OXSR1: variants seen among roughly 807,000 people sequenced by gnomAD.
OXSR1 encodes the protein serine/threonine-protein kinase OSR1.
In OXSR1, 24 loss-of-function variants were observed where a neutral mutation model predicts 79.8. The ratio of observed to expected loss-of-function variants is 0.30; its 90% CI spans 0.22 to 0.42. The LOEUF (loss-of-function observed/expected upper bound fraction) is 0.42. Among genes scored for constraint, OXSR1 ranks in the 10% least tolerant of loss-of-function variants. The pLI, the probability that OXSR1 is intolerant of heterozygous loss-of-function variation, is 1.00. For synonymous variants in OXSR1, 226 were observed against 209.2 expected (o/e 1.08, Z -0.69); for missense variants, 430 against 618.4 (o/e 0.70, Z 3.23).
Position 38,230,435 on chromosome 3 carries a change from A to G in OXSR1, c.951+5A>G. ...ATTTCTGAAAGAGCAAAAAAGGTAA[A>G]TCAGAATTTAACTCAGTTTTCCTGA... On this transcript the variant is annotated splice_donor_5th_base_variant and intron_variant, in intron 10 of 17. Transcript: ENST00000311806. 4 of 1,582,076 alleles carry G rather than the reference A, an allele frequency of 2.5e-6. No individual in the cohort carries two copies. The highest frequency in any genetic ancestry group is 3.5e-6 in the Non-Finnish European group (4 of 1,152,436).
intron 8 of OXSR1, among the ~76,000 whole-genome samples, chr3:38,227,930 A>G (rs906872595): frequency 6.6e-6 from 1 of 152,244 alleles, no homozygotes; most frequent in South Asian, 2.1e-4. Context: ...AAATGCAGTC[A>G]TGTGTCACTT....
Position 38,227,612 on chromosome 3 carries a change from C to T in OXSR1, c.837-2075C>T, listed in dbSNP as rs73827647. Among the ~76,000 whole-genome samples the T allele has an allele frequency of 1.4e-3, 216 of 151,112 alleles. 1 individual carries two copies. Among genetic ancestry groups the T allele is most frequent in the African/African-American group, 5.1e-3 (210 of 40,980 alleles). On this transcript the variant is annotated intron_variant, in intron 8 of 17. Transcript: ENST00000311806. ...AAATGTACGTATACATATACATGAA[C>T]TTACCAGGAAAGACTAGAGAGAGTA...
chr3:38,173,235 T>C (rs1701616738), intron 1 of OXSR1, among the ~76,000 whole-genome samples: 3 of 152,230 alleles, frequency 2.0e-5, no homozygotes, highest in Non-Finnish European at 4.4e-5. Flanking sequence ...GGAAATTGTA[T>C]GTTTGCTAAG....
At chr3:38,188,162 C>T (rs896686566) in intron 2 of OXSR1, among the ~76,000 whole-genome samples, 27 of 152,194 alleles carry the variant, frequency 1.8e-4, no homozygotes, top group African/African-American at 6.5e-4. Flanking sequence ...CTCCCCTTTT[C>T]AGATTAAAGC....
intron 5 of OXSR1, 149 bp downstream of exon 5, chr3:38,216,300 ACT>A: frequency 1.7e-6 from 1 of 579,052 alleles, no homozygotes; most frequent in South Asian, 2.6e-5. Flanking sequence ...GATGCCACCG[ACT>A]CTCAAGATAT....
intron 11 of OXSR1, among the ~76,000 whole-genome samples, chr3:38,241,114 T>A (rs1703024537): frequency 6.6e-6 from 1 of 152,162 alleles, no homozygotes; most frequent in South Asian, 2.1e-4. Flanking sequence ...AAGGTTTTTT[T>A]ATACTGGAGA....
chr3:38,249,315 T>C (rs1703207803), intron 14 of OXSR1, among the ~76,000 whole-genome samples: 1 of 152,166 alleles, frequency 6.6e-6, no homozygotes, highest in Non-Finnish European at 1.5e-5. Flanking sequence ...ACTGTAACTG[T>C]ACCTCACCAG....
Position 38,198,794 on chromosome 3 carries a change from C to G in OXSR1, c.365C>G (p.Thr122Ser), listed in dbSNP as rs1702111290. Residue 122 changes from threonine to serine, a missense_variant, in exon 4 of 18, where the codon ACC (threonine) becomes AGC (serine). Coordinates refer to ENST00000311806, the MANE Select transcript of OXSR1 (RefSeq NM_005109.3). ...AAAAGTGGAGTCCTAGATGAATCTA[C>G]CATTGCTACGATACTCCGAGAAGTA... ...EHKSGVLDES[T>S]IATILREVLE... The G allele has an allele frequency of 6.2e-7, 1 of 1,612,360 alleles. No homozygotes were observed.
intron 1 of OXSR1, among the ~76,000 whole-genome samples, chr3:38,168,271 T>C (rs939078137): frequency 2.6e-5 from 4 of 152,256 alleles, no homozygotes; most frequent in Non-Finnish European, 5.9e-5. Flanking sequence ...ATTCCCTGTG[T>C]CGTACAACTA....
intron 7 of OXSR1, 46 bp from the exon 8 acceptor site, chr3:38,224,525 T>A: frequency 6.7e-7 from 1 of 1,502,892 alleles, no homozygotes. Context: ...ATAGTTAAAC[T>A]TTACTGAGTC....
intron 1 of OXSR1, among the ~76,000 whole-genome samples, 155 bp from the exon 2 acceptor site, chr3:38,182,843 CTTTTG>C (rs1445759171): frequency 1.3e-5 from 2 of 152,028 alleles, no homozygotes; most frequent in African/African-American, 2.4e-5. Flanking sequence ...ATGGTTGAGG[CTTTTG>C]TTTTAACTGA....
chr3:38,207,911 C>T (rs1274864193), intron 4 of OXSR1, among the ~76,000 whole-genome samples: 6 of 104,868 alleles, frequency 5.7e-5, no homozygotes, highest in Admixed American at 1.1e-4. Flanking sequence ...CCCCCCTCCC[C>T]CTCCCCTCCC....
intron 16 of OXSR1, among the ~76,000 whole-genome samples, chr3:38,251,801 CA>C (rs2125856949): frequency 6.6e-6 from 1 of 152,232 alleles, no homozygotes; most frequent in Non-Finnish European, 1.5e-5. Flanking sequence ...CCAAGTTGAG[CA>C]AAAGTCATTA....
chr3:38,196,391 A>G (rs1702072848), intron 3 of OXSR1, among the ~76,000 whole-genome samples: 2 of 152,200 alleles, frequency 1.3e-5, no homozygotes, highest in Non-Finnish European at 2.9e-5. Context: ...CCAAATGGAT[A>G]AGAAGCGGGG....
chr3:38,184,485 T>C (rs923880997), intron 2 of OXSR1, among the ~76,000 whole-genome samples: 4 of 152,194 alleles, frequency 2.6e-5, no homozygotes, highest in African/African-American at 9.7e-5. Flanking sequence ...TGCGAACTAA[T>C]TCTGTTAAAG....
intron 10 of OXSR1, among the ~76,000 whole-genome samples, chr3:38,231,861 C>A (rs1213871540): frequency 6.6e-6 from 1 of 152,140 alleles, no homozygotes; most frequent in Non-Finnish European, 1.5e-5. Flanking sequence ...AATCCCAGCA[C>A]TTTGGGAAGC....
intron 2 of OXSR1, among the ~76,000 whole-genome samples, chr3:38,183,804 A>AT (rs1411660777): frequency 2.0e-5 from 3 of 152,018 alleles, no homozygotes; most frequent in African/African-American, 4.8e-5. Context: ...ATTGTATTGT[A>AT]TTTTTTTTAG....
intron 9 of OXSR1, 89 bp from the exon 10 acceptor site, chr3:38,230,276 T>A (rs917035641): frequency 4.5e-5 from 36 of 795,888 alleles, no homozygotes; most frequent in Non-Finnish European, 7.4e-5. Flanking sequence ...AGTTACTATA[T>A]CACATTTTGA....
chr3:38,251,411 G>C lies in OXSR1; in HGVS notation c.1384G>C (p.Glu462Gln). The C allele has an allele frequency of 6.2e-7, 1 of 1,613,352 alleles. No individual in the cohort carries two copies. The change falls in exon 16 of 18, where the codon GAG becomes CAG. Residue 462 changes from glutamate (E) to glutamine (Q), a missense_variant. Glu to Gln is a conservative substitution (Grantham distance 29). Transcript: ENST00000311806. ...FEFTPGRDTA[E>Q]GVSQELISAG... ...CTTCTTTGTCCTTGCAGATACAGCA[G>C]AGGGTGTCTCTCAGGAACTCATTTC...
Sources: allele counts gnomAD v4.1 joint callset (sites outside exome capture counted in the v4.1 genomes callset), GRCh38; gene constraint gnomAD v4.1.1; transcripts MANE v1.5; gene names NCBI Gene and HGNC (gene_info 2026-07-23, HGNC 2026-07-21).